The following RGS6 variants were observed in gnomAD, a reference collection of about 807,000 sequenced individuals.
RGS6 encodes regulator of G-protein signaling 6.
In RGS6, 30 loss-of-function variants were observed where a neutral mutation model predicts 78.5. That is an observed-to-expected ratio of 0.38 (90% confidence interval 0.29 to 0.52). The LOEUF (loss-of-function observed/expected upper bound fraction) is 0.52. Among genes scored for constraint, RGS6 ranks in the 20% least tolerant of loss-of-function variants. The pLI is 0.85. For missense variants in RGS6, 495 were observed against 609.7 expected (o/e 0.81, Z 1.98); for synonymous variants, 206 against 206.0 (o/e 1.00, Z 0.00).
chr14:72,570,667 A>G (rs1466198207), downstream of RGS6, among the ~76,000 whole-genome samples: 1 of 152,162 alleles, frequency 6.6e-6, no homozygotes, highest in Non-Finnish European at 1.5e-5. Flanking sequence ...GCTAACTGTA[A>G]ACACAGTGCT....
At chr14:72,332,040 A>C (rs1404075015) in intron 2 of RGS6, among the ~76,000 whole-genome samples, 1 of 152,158 alleles carries the variant, frequency 6.6e-6, no homozygotes, top group Non-Finnish European at 1.5e-5. Context: ...TGGCCTGTGA[A>C]TTATTTAACC....
At chr14:72,200,645 G>C (rs897777487) in intron 2 of RGS6, among the ~76,000 whole-genome samples, 1 of 151,956 alleles carries the variant, frequency 6.6e-6, no homozygotes, top group Admixed American at 6.6e-5. Context: ...GTGACTGCAC[G>C]GCTCATTGCA....
At chr14:72,286,151 C>T (rs2062507677) in intron 2 of RGS6, among the ~76,000 whole-genome samples, 1 of 152,152 alleles carries the variant, frequency 6.6e-6, no homozygotes. Flanking sequence ...TCAGGTCTTA[C>T]ATTTAAGTCT....
At chr14:72,424,440 C>T (rs2094344956) in intron 3 of RGS6, among the ~76,000 whole-genome samples, 2 of 152,068 alleles carry the variant, frequency 1.3e-5, no homozygotes, top group South Asian at 2.1e-4. Flanking sequence ...AATGCGTGTC[C>T]GGGCAAGGGT....
intron 2 of RGS6, among the ~76,000 whole-genome samples, chr14:72,271,797 T>C (rs2059980798): frequency 6.6e-6 from 1 of 152,186 alleles, no homozygotes; most frequent in African/African-American, 2.4e-5. Context: ...CTGGAGGCTC[T>C]AGGGGAGAAT....
intron 2 of RGS6, among the ~76,000 whole-genome samples, chr14:72,006,927 A>T (rs547506903): frequency 3.3e-4 from 51 of 152,318 alleles, no homozygotes; most frequent in Middle Eastern, 3.4e-3. Context: ...CACTGTCCAT[A>T]GAAGTTTGGA....
rs142500935 is a variant in RGS6 at position 72,294,637 on chromosome 14, C to A, written c.85-57458C>A. 5.7e-3 allele frequency among the ~76,000 whole-genome samples: 864 copies of A among 152,178 alleles called. 8 individuals carry two copies. The highest frequency in any genetic ancestry group is 0.019 in the African/African-American group (789 of 41,530). Reference sequence around the variant, plus strand: ...GCATCTGCTTGGCTTCTGGGGAGGCCTTGGGAAAACTTAGAATGGTGGCTG... The same window carrying A: ...GCATCTGCTTGGCTTCTGGGGAGGCATTGGGAAAACTTAGAATGGTGGCTG... On this transcript the variant is annotated intron_variant, in intron 2 of 17. Coordinates refer to ENST00000553525, the MANE Select transcript of RGS6 (RefSeq NM_001204424.2).
At chr14:72,577,012 G>A in the RGS6 span, among the ~76,000 whole-genome samples, 17,618 of 152,158 alleles carry the variant, frequency 0.12, 1,100 homozygotes, top group Middle Eastern at 0.2. Flanking sequence ...TCTGTATAGT[G>A]AGGCTGCAGG....
chr14:72,600,330 C>T, the RGS6 span, among the ~76,000 whole-genome samples: 3 of 151,918 alleles, frequency 2.0e-5, no homozygotes, highest in East Asian at 1.9e-4. Context: ...TCCTCCCTCC[C>T]TCCCTCCCTC....
intron 2 of RGS6, among the ~76,000 whole-genome samples, chr14:72,324,511 C>T (rs11846819): frequency 0.039 from 5,882 of 152,236 alleles, 346 homozygotes; most frequent in African/African-American, 0.13. Flanking sequence ...CCCCCATCCC[C>T]CTACCCCACA....
intron 3 of RGS6, among the ~76,000 whole-genome samples, chr14:72,431,503 C>G (rs1464074252): frequency 1.3e-5 from 2 of 148,706 alleles, no homozygotes; most frequent in African/African-American, 5.1e-5. Context: ...CATGCATGCA[C>G]CACCACACTT....
At chr14:72,267,954 C>G (rs1416217839) in intron 2 of RGS6, among the ~76,000 whole-genome samples, 2 of 152,236 alleles carry the variant, frequency 1.3e-5, no homozygotes, top group Non-Finnish European at 2.9e-5. Context: ...TACCTATTAA[C>G]ACACTCGCAC....
intron 2 of RGS6, among the ~76,000 whole-genome samples, chr14:71,998,103 A>C (rs2082730671): frequency 6.6e-6 from 1 of 152,214 alleles, no homozygotes; most frequent in South Asian, 2.1e-4. Context: ...GTATGTAAGA[A>C]GTACATTGGT....
intron 2 of RGS6, among the ~76,000 whole-genome samples, chr14:72,316,389 C>T (rs1414989715): frequency 6.6e-6 from 1 of 152,134 alleles, no homozygotes; most frequent in African/African-American, 2.4e-5. Context: ...CTCCCCCATG[C>T]ACCCACCCCA....
intron 1 of RGS6, among the ~76,000 whole-genome samples, chr14:71,945,138 A>T (rs2109268): frequency 1.3e-5 from 2 of 152,054 alleles, no homozygotes; most frequent in Non-Finnish European, 2.9e-5. Context: ...AGTTAAAGCC[A>T]TCTCAGACCA....
At chr14:72,130,549 A>C (rs1007104773) in intron 2 of RGS6, among the ~76,000 whole-genome samples, 3 of 152,212 alleles carry the variant, frequency 2.0e-5, no homozygotes, top group African/African-American at 7.2e-5. Flanking sequence ...GAACAACAAA[A>C]GATGTTCCTG....
At chr14:71,964,921 T>C in intron 2 of RGS6, 46 bp downstream of exon 2, 2 of 1,494,100 alleles carry the variant, frequency 1.3e-6, no homozygotes, top group Non-Finnish European at 1.9e-6. Flanking sequence ...GTGTGGACTG[T>C]TGTGTTCTGT....
intron 2 of RGS6, among the ~76,000 whole-genome samples, chr14:72,119,712 G>A (rs918535873): frequency 6.6e-6 from 1 of 152,160 alleles, no homozygotes; most frequent in African/African-American, 2.4e-5. Flanking sequence ...GGACTGCCTT[G>A]GTTCTCATAA....
At chr14:71,969,864 C>T (rs1254827438) in intron 2 of RGS6, among the ~76,000 whole-genome samples, 4 of 152,136 alleles carry the variant, frequency 2.6e-5, no homozygotes, top group African/African-American at 7.2e-5. Context: ...TTTGATCTTT[C>T]GTAAATTAGT....
Sources: allele counts gnomAD v4.1 joint callset (sites outside exome capture counted in the v4.1 genomes callset), GRCh38; gene constraint gnomAD v4.1.1; transcripts MANE v1.5; gene names NCBI Gene and HGNC (gene_info 2026-07-23, HGNC 2026-07-21).